SEL1L2: variants seen among roughly 807,000 people sequenced by gnomAD.
The protein encoded by SEL1L2 is protein sel-1 homolog 2.
A neutral mutation model predicts 98.8 loss-of-function variants in SEL1L2; 89 were observed. The observed-to-expected ratio is 0.90, with a 90% confidence interval of 0.76 to 1.07. SEL1L2 has a LOEUF of 1.07. Ranked by LOEUF, SEL1L2 falls within the 50% of genes least tolerant of loss-of-function variation. The pLI is 0.00. For synonymous variants in SEL1L2, 262 were observed against 278.5 expected, an observed-to-expected ratio of 0.94 and a Z score of 0.59; for missense variants, 788 against 812.0, an observed-to-expected ratio of 0.97 and a Z score of 0.36.
In SEL1L2 at chr20:13,860,468, C is replaced by T. The variant is rs967693351; in HGVS notation, c.1646-1034G>A. Among the ~76,000 whole-genome samples, 11 of 152,292 alleles carry T rather than the reference C, an allele frequency of 7.2e-5. No homozygotes were observed. The East Asian group carries it at 1.9e-3, about 27-fold the overall frequency. ...CTCATCTTACCCGACGTCTGAGCAGCACTGGAGTGATGGGCCCCATCTGCC... is the reference window on the plus strand; with the variant it reads ...CTCATCTTACCCGACGTCTGAGCAGTACTGGAGTGATGGGCCCCATCTGCC... On this transcript the variant is annotated intron_variant, in intron 17 of 19. Transcript: ENST00000284951.
chr20:13,891,429 G>A, intron 5 of SEL1L2, among the ~76,000 whole-genome samples: 1 of 152,120 alleles, frequency 6.6e-6, no homozygotes, highest in East Asian at 1.9e-4. Context: ...AGTACTTTGG[G>A]AGGCCAAGGT....
intron 12 of SEL1L2, among the ~76,000 whole-genome samples, chr20:13,874,906 T>C (rs577404753): frequency 6.6e-6 from 1 of 152,286 alleles, no homozygotes; most frequent in Non-Finnish European, 1.5e-5. Context: ...GTTAGAAAGT[T>C]TACCAAGGCC....
At chr20:13,931,032 T>C (rs1444918134) in intron 3 of SEL1L2, among the ~76,000 whole-genome samples, 1 of 142,018 alleles carries the variant, frequency 7.0e-6, no homozygotes, top group East Asian at 2.2e-4. Context: ...CTCAGAAGGC[T>C]GAGACAGGAG....
At chr20:13,899,775 G>C (rs1000927561) in intron 5 of SEL1L2, among the ~76,000 whole-genome samples, 1 of 152,154 alleles carries the variant, frequency 6.6e-6, no homozygotes, top group Non-Finnish European at 1.5e-5. Context: ...AACTGAAGCA[G>C]GATAAGTAGG....
At chr20:13,971,737 A>G (rs1222454538) in intron 1 of SEL1L2, among the ~76,000 whole-genome samples, 1 of 152,036 alleles carries the variant, frequency 6.6e-6, no homozygotes, top group Non-Finnish European at 1.5e-5. Flanking sequence ...GCCTGGCTAC[A>G]ATTTACATTT....
intron 5 of SEL1L2, 37 bp downstream of exon 5, chr20:13,913,745 G>A: frequency 6.8e-7 from 1 of 1,469,486 alleles, no homozygotes. Context: ...ATTTCAGGAT[G>A]GAGCTATTTA....
chr20:13,894,215 A>G (rs2047327286), intron 5 of SEL1L2, among the ~76,000 whole-genome samples: 1 of 152,208 alleles, frequency 6.6e-6, no homozygotes. Flanking sequence ...GAGACTAGAA[A>G]GCCAATACCA....
chr20:13,897,724 G>A (rs2047480677), intron 5 of SEL1L2, among the ~76,000 whole-genome samples: 2 of 152,066 alleles, frequency 1.3e-5, no homozygotes, highest in South Asian at 4.1e-4. Context: ...AAGAGCCCGG[G>A]CATGGTGATG....
intron 1 of SEL1L2, among the ~76,000 whole-genome samples, chr20:13,983,250 G>A (rs1439439784): frequency 1.3e-5 from 2 of 151,934 alleles, no homozygotes; most frequent in South Asian, 2.1e-4. Flanking sequence ...CTAGGCGAAC[G>A]TAGAGTCAGG....
At chr20:13,888,882 G>A (rs540441613) in intron 5 of SEL1L2, among the ~76,000 whole-genome samples, 37 of 149,368 alleles carry the variant, frequency 2.5e-4, no homozygotes, top group Non-Finnish European at 4.7e-4. Context: ...TCCTGACCTC[G>A]TGATCTACCC....
intron 10 of SEL1L2, among the ~76,000 whole-genome samples, chr20:13,884,369 A>G (rs140826966): frequency 6.6e-6 from 1 of 152,272 alleles, no homozygotes; most frequent in Non-Finnish European, 1.5e-5. Context: ...TGAAACCACT[A>G]TCAAAATCTA....
intron 1 of SEL1L2, among the ~76,000 whole-genome samples, chr20:13,975,413 G>A (rs1866918148): frequency 6.6e-6 from 1 of 152,160 alleles, no homozygotes; most frequent in African/African-American, 2.4e-5. Flanking sequence ...TGATTGTGAG[G>A]AAAATACGCA....
At chr20:13,866,489 CAG>C (rs370248760) in intron 15 of SEL1L2, among the ~76,000 whole-genome samples, 268 of 152,296 alleles carry the variant, frequency 1.8e-3, no homozygotes, top group African/African-American at 6.0e-3. Flanking sequence ...AGCCAAATGT[CAG>C]AGAGAGGAGA....
intron 18 of SEL1L2, among the ~76,000 whole-genome samples, chr20:13,856,090 A>C (rs1398301532): frequency 6.6e-6 from 1 of 152,154 alleles, no homozygotes; most frequent in Non-Finnish European, 1.5e-5. Flanking sequence ...TTCATGGTGC[A>C]ATTTCCGAAG....
chr20:13,991,612 C>A (rs1484500544), upstream of SEL1L2, among the ~76,000 whole-genome samples: 1 of 152,228 alleles, frequency 6.6e-6, no homozygotes, highest in East Asian at 1.9e-4. Flanking sequence ...GTAGTTTAAT[C>A]TCCCTTTGTG....
At chr20:13,852,669 G>T (rs1378520189) in intron 18 of SEL1L2, among the ~76,000 whole-genome samples, 4 of 152,202 alleles carry the variant, frequency 2.6e-5, no homozygotes, top group African/African-American at 9.7e-5. Context: ...AAACCGAGCT[G>T]CAGACTCTTG....
chr20:13,866,673 C>T, intron 15 of SEL1L2, 29 bp downstream of exon 15: 1 of 1,494,634 alleles, frequency 6.7e-7, no homozygotes, highest in South Asian at 1.5e-5. Flanking sequence ...ATGACAAGTG[C>T]TTTAAAAACA....
intron 13 of SEL1L2, among the ~76,000 whole-genome samples, 169 bp from the exon 14 acceptor site, chr20:13,869,759 T>C (rs1000261360): frequency 3.3e-5 from 5 of 152,300 alleles, no homozygotes; most frequent in African/African-American, 1.2e-4. Flanking sequence ...TAGACTCTAT[T>C]AGGAAATAAT....
At chr20:13,971,109 C>T (rs893343291) in intron 1 of SEL1L2, among the ~76,000 whole-genome samples, 5 of 151,402 alleles carry the variant, frequency 3.3e-5, no homozygotes, top group Non-Finnish European at 1.5e-5. Context: ...GGTCATTTGC[C>T]CATTTTTCTA....
Sources: gnomAD v4.1 joint callset for allele counts (sites outside exome capture counted in the v4.1 genomes callset) on GRCh38, gnomAD v4.1.1 for gene constraint, MANE v1.5 for transcripts, NCBI Gene and HGNC (gene_info 2026-07-23, HGNC 2026-07-21) for gene names.